Variants in EYA4 observed in about 807,000 individuals in gnomAD.
The protein encoded by EYA4 is EYA transcriptional coactivator and phosphatase 4, also known as protein phosphatase EYA4.
Under a neutral mutation model 87.9 loss-of-function variants are expected in EYA4, and 31 were observed. The ratio of observed to expected loss-of-function variants is 0.35; its 90% CI spans 0.27 to 0.48. EYA4 has a LOEUF of 0.48. Ranked by LOEUF, EYA4 falls within the 20% of genes least tolerant of loss-of-function variation. The pLI, the probability that EYA4 is intolerant of heterozygous loss-of-function variation, is 0.99. For synonymous variants in EYA4, 263 were observed against 270.6 expected (o/e 0.97, Z 0.28); for missense variants, 678 against 761.4 (o/e 0.89, Z 1.29).
At chr6:133,353,448 A>G (rs971115100) in intron 2 of EYA4, among the ~76,000 whole-genome samples, 1 of 152,176 alleles carries the variant, frequency 6.6e-6, no homozygotes, top group Non-Finnish European at 1.5e-5. Context: ...TCTGGCTTAC[A>G]TATAGATATT....
At chr6:133,308,713 C>A (rs1013054285) in intron 2 of EYA4, among the ~76,000 whole-genome samples, 38 of 152,284 alleles carry the variant, frequency 2.5e-4, no homozygotes, top group African/African-American at 9.1e-4. Context: ...GGCCTCCAGC[C>A]GCATCCATGT....
chr6:133,468,445 G>A, intron 10 of EYA4, 121 bp from the exon 11 acceptor site: 1 of 815,116 alleles, frequency 1.2e-6, no homozygotes, highest in Non-Finnish European at 2.1e-6. Flanking sequence ...TCAAAGCTGT[G>A]GACTCAGAAA....
intron 2 of EYA4, among the ~76,000 whole-genome samples, chr6:133,294,621 G>T (rs941012998): frequency 6.6e-6 from 1 of 152,032 alleles, no homozygotes; most frequent in Non-Finnish European, 1.5e-5. Flanking sequence ...AAGCTGGAGT[G>T]CAGTGGTGCG....
chr6:133,277,046 A>C (rs1582824001), intron 2 of EYA4, among the ~76,000 whole-genome samples: 1 of 152,152 alleles, frequency 6.6e-6, no homozygotes, highest in Non-Finnish European at 1.5e-5. Flanking sequence ...GCATTTATTA[A>C]GATATAGAAC....
chr6:133,413,752 A>G (rs1012164395), intron 3 of EYA4, among the ~76,000 whole-genome samples: 4 of 152,152 alleles, frequency 2.6e-5, no homozygotes, highest in African/African-American at 9.7e-5. Context: ...TCCAGCATAG[A>G]TCTCTTCTGT....
intron 17 of EYA4, among the ~76,000 whole-genome samples, chr6:133,521,037 T>C (rs1314171498): frequency 5.3e-5 from 8 of 150,316 alleles, no homozygotes; most frequent in African/African-American, 9.9e-5. Context: ...GCATTACCAT[T>C]CAGGACATAG....
chr6:133,250,437 T>C (rs570639330), intron 1 of EYA4, among the ~76,000 whole-genome samples: 1 of 151,842 alleles, frequency 6.6e-6, no homozygotes, highest in Non-Finnish European at 1.5e-5. Context: ...AAGTCAGGAG[T>C]TCGAGACCAG....
Position 133,461,763 on chromosome 6 carries a change from A to G in EYA4, c.438-572A>G, listed in dbSNP as rs564261633. 9.3e-5 allele frequency among the ~76,000 whole-genome samples: 14 copies of G among 150,100 alleles called. No homozygotes were observed. The East Asian group carries it at 2.5e-3, about 27-fold the overall frequency. ...ATATAGACTGAAGGTTGGATATCCA[A>G]TGGGGAACATGATGTAAAATGTGGC... On this transcript the variant is annotated intron_variant, in intron 7 of 19. Coordinates refer to ENST00000355286, the MANE Select transcript of EYA4 (RefSeq NM_004100.5).
At chr6:133,476,107 T>C (rs951953618) in intron 11 of EYA4, among the ~76,000 whole-genome samples, 1 of 152,126 alleles carries the variant, frequency 6.6e-6, no homozygotes, top group Admixed American at 6.6e-5. Flanking sequence ...GGCGAGAAGA[T>C]TGCTTGAGTC....
intron 3 of EYA4, among the ~76,000 whole-genome samples, chr6:133,410,086 T>G (rs1404921516): frequency 6.6e-6 from 1 of 152,152 alleles, no homozygotes; most frequent in East Asian, 1.9e-4. Flanking sequence ...GCAAATTTAC[T>G]AATATTTGCA....
chr6:133,391,742 A>G (rs1787315077), intron 3 of EYA4, among the ~76,000 whole-genome samples: 1 of 152,142 alleles, frequency 6.6e-6, no homozygotes, highest in Non-Finnish European at 1.5e-5. Flanking sequence ...CTGGGAGCCT[A>G]TGAATTGGGT....
At chr6:133,284,813 CGCATATTACTGTTCT>C (rs910777772) in intron 2 of EYA4, among the ~76,000 whole-genome samples, 24 of 151,992 alleles carry the variant, frequency 1.6e-4, no homozygotes, top group South Asian at 2.1e-4. Context: ...ACAAAATGGA[CGCATATTACTGTTCT>C]TGTGGAACTT....
intron 17 of EYA4, among the ~76,000 whole-genome samples, chr6:133,515,712 C>T (rs1303793441): frequency 6.6e-6 from 1 of 151,726 alleles, no homozygotes; most frequent in Non-Finnish European, 1.5e-5. Context: ...TATCTCACCA[C>T]CCATCTCTTC....
chr6:133,361,682 T>TGATG (rs1339651559), intron 2 of EYA4, among the ~76,000 whole-genome samples: 2 of 152,180 alleles, frequency 1.3e-5, no homozygotes, highest in Non-Finnish European at 2.9e-5. Flanking sequence ...CTGGGCCAAT[T>TGATG]GATGAGATTT....
In EYA4 at chr6:133,531,432, C is replaced by A. The variant is rs923753725; in HGVS notation, c.*2627C>A. The A allele has an allele frequency of 1.8e-6, 1 of 545,418 alleles. No individual in the cohort carries two copies. Among genetic ancestry groups the A allele is most frequent in the African/African-American group, 1.9e-5 (1 of 52,674 alleles). 33.8% of individuals were successfully genotyped at this position (545,418 alleles called of 1,614,324 possible). On this transcript the variant is annotated 3_prime_UTR_variant, in exon 20 of 20. Coordinates refer to ENST00000355286, the MANE Select transcript of EYA4 (RefSeq NM_004100.5). ...ACACAAAACCAACCCCTTGGCAGTT[C>A]CCACCTCCTATTGACATATGGAATA...
chr6:133,335,610 G>A (rs1466148548), intron 2 of EYA4, among the ~76,000 whole-genome samples: 1 of 152,138 alleles, frequency 6.6e-6, no homozygotes, highest in Non-Finnish European at 1.5e-5. Context: ...TCTGAGGAAG[G>A]GATTGATTGA....
chr6:133,424,713 G>C (rs1459992846), intron 3 of EYA4, among the ~76,000 whole-genome samples: 1 of 142,842 alleles, frequency 7.0e-6, no homozygotes, highest in African/African-American at 3.0e-5. Context: ...GTCTGCAGCT[G>C]TGGGTCAGGT....
chr6:133,489,447 A>G (rs1796955075), intron 13 of EYA4, among the ~76,000 whole-genome samples: 1 of 152,172 alleles, frequency 6.6e-6, no homozygotes, highest in South Asian at 2.1e-4. Flanking sequence ...GACTATCTCA[A>G]AGCATTTGAT....
intron 2 of EYA4, among the ~76,000 whole-genome samples, chr6:133,309,429 G>A (rs1562274024): frequency 6.6e-6 from 1 of 152,076 alleles, no homozygotes; most frequent in Admixed American, 6.5e-5. Context: ...GGCAGTTATG[G>A]CTTCTTATAT....
Sources: gnomAD v4.1 joint callset for allele counts (sites outside exome capture counted in the v4.1 genomes callset) on GRCh38, gnomAD v4.1.1 for gene constraint, MANE v1.5 for transcripts, NCBI Gene and HGNC (gene_info 2026-07-23, HGNC 2026-07-21) for gene names.